Variants in ARHGAP10 observed in about 807,000 individuals in gnomAD.
ARHGAP10 encodes the protein Rho GTPase activating protein 10.
ARHGAP10 carries 87 observed loss-of-function variants against 108.6 expected under a neutral mutation model. The ratio of observed to expected loss-of-function variants is 0.80; its 90% confidence interval spans 0.67 to 0.96. The LOEUF (loss-of-function observed/expected upper bound fraction) is 0.96, where lower values mean the gene tolerates loss of function less well. ARHGAP10 is among the 40% of genes least tolerant of loss of function. The pLI is 0.00. For synonymous variants in ARHGAP10, 347 were observed against 341.1 expected, an observed-to-expected ratio of 1.02 and a Z score of -0.19; for missense variants, 939 against 954.5, an observed-to-expected ratio of 0.98 and a Z score of 0.21.
rs118050800 is a variant in ARHGAP10 at position 147,990,427 on chromosome 4, A to G, written c.1716+23588A>G. 1.2e-3 allele frequency among the ~76,000 whole-genome samples: 180 copies of G among 152,348 alleles called. No individual in the cohort carries two copies. The East Asian group carries it at 0.028, about 23-fold the overall frequency. On this transcript the variant is annotated intron_variant, in intron 18 of 22. Transcript: ENST00000336498. ...ACAGTTCTAGTTCTGCTAGACTTCA[A>G]TTAATCTTCCAATTTCCAAGATAAC...
At chr4:147,889,626 A>G (rs1273933090) in intron 10 of ARHGAP10, among the ~76,000 whole-genome samples, 2 of 152,156 alleles carry the variant, frequency 1.3e-5, no homozygotes, top group East Asian at 3.9e-4. Flanking sequence ...TCTTATAGCA[A>G]TTTCTCAGTT....
chr4:147,738,557 C>A (rs1013269126), intron 1 of ARHGAP10, among the ~76,000 whole-genome samples: 8 of 151,022 alleles, frequency 5.3e-5, no homozygotes, highest in Non-Finnish European at 4.4e-5. Context: ...TGTCTCCCCC[C>A]CCCAAAAAAA....
chr4:147,800,233 G>A (rs770706308), intron 1 of ARHGAP10, among the ~76,000 whole-genome samples: 27 of 152,204 alleles, frequency 1.8e-4, no homozygotes, highest in Non-Finnish European at 3.8e-4. Context: ...CCTGACTGTG[G>A]CATAGTCCCC....
intron 18 of ARHGAP10, among the ~76,000 whole-genome samples, chr4:147,989,906 TGTTTAG>T (rs1740205445): frequency 6.6e-6 from 1 of 152,220 alleles, no homozygotes; most frequent in Non-Finnish European, 1.5e-5. Flanking sequence ...TTACAATTTA[TGTTTAG>T]AGATTGCAGT....
intron 1 of ARHGAP10, among the ~76,000 whole-genome samples, chr4:147,814,756 T>C (rs2126776668): frequency 6.6e-6 from 1 of 152,360 alleles, no homozygotes; most frequent in African/African-American, 2.4e-5. Flanking sequence ...GTTTCTCTTG[T>C]GTCCTAATTT....
intron 18 of ARHGAP10, among the ~76,000 whole-genome samples, chr4:147,997,586 T>TGGCC (rs1407322106): frequency 6.6e-6 from 1 of 152,166 alleles, no homozygotes; most frequent in African/African-American, 2.4e-5. Flanking sequence ...AGGACAAAGA[T>TGGCC]GGCCCATCAG....
At position 147,879,344 on chromosome 4, in the gene ARHGAP10, T is replaced by TA. The variant is rs746869326; in HGVS notation, c.939+7dup. On this transcript the variant is annotated splice_region_variant and intron_variant, in intron 9 of 22. Transcript: ENST00000336498. The stretch of plus-strand genomic sequence containing the variant: ...ACAGATCTGGAGGGAAACTTGTAAG[T>TA]ATTTGATTCAACATAGAATAGATTA... 47 of 1,609,940 alleles carry TA rather than the reference T, an allele frequency of 2.9e-5. No homozygotes were observed. The highest frequency in any genetic ancestry group is 3.9e-5 in the Non-Finnish European group (46 of 1,176,980).
chr4:148,043,775 T>C (rs1165939332), intron 19 of ARHGAP10, among the ~76,000 whole-genome samples: 2 of 146,242 alleles, frequency 1.4e-5, no homozygotes, highest in Admixed American at 1.4e-4. Flanking sequence ...TGTATATATA[T>C]GTATATATAT....
At chr4:148,000,904 T>C (rs1740691595) in intron 18 of ARHGAP10, among the ~76,000 whole-genome samples, 1 of 152,224 alleles carries the variant, frequency 6.6e-6, no homozygotes. Context: ...GTAGTTTCTT[T>C]TGCTGTGCAG....
In ARHGAP10 at chr4:147,853,613, TTG is replaced by T. The variant is rs564141197; in HGVS notation, c.385-3934_385-3933del. Among the ~76,000 whole-genome samples, 308 of 152,370 alleles carry T rather than the reference TTG, an allele frequency of 2.0e-3. 2 individuals carry two copies. Among genetic ancestry groups the T allele is most frequent in the Middle Eastern group, 6.8e-3 (2 of 294 alleles). ...TATCCATTTTTCAGTGGAAGCATTA[TTG>T]TGTGTTTTTTGCAAAAAACTGCTTA... On this transcript the variant is annotated intron_variant, in intron 4 of 22. Transcript: ENST00000336498.
intron 1 of ARHGAP10, among the ~76,000 whole-genome samples, chr4:147,780,376 A>C (rs527590661): frequency 3.3e-5 from 5 of 152,142 alleles, no homozygotes; most frequent in South Asian, 2.1e-4. Flanking sequence ...CGGTCACATT[A>C]CTGGGAGTGA....
At position 147,871,115 on chromosome 4, in the gene ARHGAP10, G is replaced by A. The variant is rs189752606; in HGVS notation, c.703-3906G>A. Among the ~76,000 whole-genome samples the A allele has an allele frequency of 1.7e-3, 251 of 152,002 alleles. 1 individual carries two copies. Among genetic ancestry groups the A allele is most frequent in the Non-Finnish European group, 2.6e-3 (178 of 67,952 alleles). On this transcript the variant is annotated intron_variant, in intron 7 of 22. Coordinates refer to ENST00000336498, the MANE Select transcript of ARHGAP10 (RefSeq NM_024605.4). The stretch of plus-strand genomic sequence containing the variant: ...GCTGGGACTACAGGTGCCCGCCACC[G>A]TGCCCGGCTAATTTTTGTATTTTTA...
At chr4:147,936,938 C>G (rs189033862) in intron 13 of ARHGAP10, among the ~76,000 whole-genome samples, 63 of 152,196 alleles carry the variant, frequency 4.1e-4, no homozygotes, top group Non-Finnish European at 8.1e-4. Context: ...CCTGTCAGAT[C>G]AGTGGCGACA....
At chr4:148,009,175 A>AG (rs1489548347) in intron 18 of ARHGAP10, among the ~76,000 whole-genome samples, 1 of 150,648 alleles carries the variant, frequency 6.6e-6, no homozygotes, top group African/African-American at 2.4e-5. Context: ...TTTGTCGCTC[A>AG]GCTGGAGTGC....
chr4:147,763,991 G>A (rs1443191972), intron 1 of ARHGAP10, among the ~76,000 whole-genome samples: 2 of 152,114 alleles, frequency 1.3e-5, no homozygotes, highest in African/African-American at 2.4e-5. Context: ...CTGACCTCGG[G>A]TGATCTGCCT....
At chr4:148,002,912 C>G in intron 18 of ARHGAP10, among the ~76,000 whole-genome samples, 1 of 152,080 alleles carries the variant, frequency 6.6e-6, no homozygotes, top group African/African-American at 2.4e-5. Context: ...GTCTCTATCT[C>G]CTTCAATTCT....
intron 20 of ARHGAP10, among the ~76,000 whole-genome samples, chr4:148,056,858 C>A: frequency 6.6e-6 from 1 of 152,118 alleles, no homozygotes; most frequent in East Asian, 1.9e-4. Context: ...CCCTAGAAAT[C>A]AGAGGTAAGA....
chr4:148,071,364 C>T (rs1730167604), intron 22 of ARHGAP10, among the ~76,000 whole-genome samples: 1 of 152,188 alleles, frequency 6.6e-6, no homozygotes. Flanking sequence ...GCCTGTAATC[C>T]CAGCACTCTG....
intron 18 of ARHGAP10, among the ~76,000 whole-genome samples, chr4:148,016,742 C>G (rs1158083262): frequency 6.6e-6 from 1 of 152,022 alleles, no homozygotes; most frequent in Admixed American, 6.5e-5. Context: ...CCAAGACTGC[C>G]CCCTTTTCAG....
Sources: allele counts gnomAD v4.1 joint callset (sites outside exome capture counted in the v4.1 genomes callset), GRCh38; gene constraint gnomAD v4.1.1; transcripts MANE v1.5; gene names NCBI Gene and HGNC (gene_info 2026-07-23, HGNC 2026-07-21).